AGFG1: variants seen among roughly 807,000 people sequenced by gnomAD.
The protein encoded by AGFG1 is arf-GAP domain and FG repeat-containing protein 1.
A neutral mutation model predicts 60.6 loss-of-function variants in AGFG1; 10 were observed. The ratio of observed to expected loss-of-function variants is 0.16; its 90% confidence interval spans 0.10 to 0.28. AGFG1 has a LOEUF of 0.28. Ranked by LOEUF, AGFG1 falls within the 10% of genes least tolerant of loss-of-function variation. The probability of loss-of-function intolerance (pLI) is 1.00; values close to 1 mark genes in which losing one functional copy is unlikely to be tolerated. For synonymous variants in AGFG1, 247 were observed against 242.9 expected (o/e 1.02, Z -0.16); for missense variants, 537 against 676.5 (o/e 0.79, Z 2.29).
intron 2 of AGFG1, among the ~76,000 whole-genome samples, chr2:227,497,735 G>GTTT (rs869114764): frequency 0.012 from 350 of 28,026 alleles, 115 homozygotes; most frequent in African/African-American, 0.038. Flanking sequence ...TTCTTGTTTT[G>GTTT]TTTTTTTTTT....
At chr2:227,481,797 C>T (rs149127854) in intron 1 of AGFG1, among the ~76,000 whole-genome samples, 1 of 149,614 alleles carries the variant, frequency 6.7e-6, no homozygotes, top group Non-Finnish European at 1.5e-5. Context: ...TTAATACCTT[C>T]TTATTCCTTT....
At chr2:227,537,995 A>AT (rs1692365119) in intron 10 of AGFG1, among the ~76,000 whole-genome samples, 2 of 152,332 alleles carry the variant, frequency 1.3e-5, no homozygotes, top group Admixed American at 6.5e-5. Context: ...AAGTAGCATA[A>AT]TAGATGTTTG....
chr2:227,533,483 T>A (rs1426572923), intron 6 of AGFG1, 66 bp from the exon 7 acceptor site: 4 of 1,332,956 alleles, frequency 3.0e-6, no homozygotes, highest in Non-Finnish European at 4.3e-6. Context: ...GAAATGATCA[T>A]ACAGTCTATG....
At chr2:227,506,106 C>A (rs1394999504) in intron 2 of AGFG1, among the ~76,000 whole-genome samples, 1 of 152,164 alleles carries the variant, frequency 6.6e-6, no homozygotes, top group Non-Finnish European at 1.5e-5. Context: ...ATTCTAAAAT[C>A]TTTATCATTG....
chr2:227,546,517 T>G (rs1419889827), intron 10 of AGFG1, among the ~76,000 whole-genome samples: 1 of 152,198 alleles, frequency 6.6e-6, no homozygotes, highest in Non-Finnish European at 1.5e-5. Flanking sequence ...CCCAGTGAGA[T>G]GAACCCAGTA....
intron 1 of AGFG1, among the ~76,000 whole-genome samples, chr2:227,475,668 G>A (rs1476819427): frequency 2.0e-5 from 3 of 152,194 alleles, no homozygotes; most frequent in Admixed American, 1.3e-4. Flanking sequence ...GTGGCTTAGG[G>A]CAAGGTGTTA....
intron 2 of AGFG1, among the ~76,000 whole-genome samples, chr2:227,505,824 C>T (rs750090267): frequency 6.6e-6 from 1 of 152,154 alleles, no homozygotes; most frequent in South Asian, 2.1e-4. Flanking sequence ...GTGCAACCTC[C>T]GCCTCCCAGG....
At chr2:227,484,139 A>G (rs1239552110) in intron 1 of AGFG1, among the ~76,000 whole-genome samples, 1 of 151,996 alleles carries the variant, frequency 6.6e-6, no homozygotes, top group African/African-American at 2.4e-5. Context: ...CAGTATTTTA[A>G]TCTTCTGTTA....
At chr2:227,496,881 A>ACATTAATAT in intron 2 of AGFG1, among the ~76,000 whole-genome samples, 1 of 152,322 alleles carries the variant, frequency 6.6e-6, no homozygotes, top group African/African-American at 2.4e-5. Context: ...CATGTCATTT[A>ACATTAATAT]CATTAATATT....
intron 2 of AGFG1, among the ~76,000 whole-genome samples, chr2:227,506,741 T>C (rs1280364852): frequency 1.3e-5 from 2 of 152,124 alleles, no homozygotes; most frequent in Non-Finnish European, 2.9e-5. Context: ...AAATCTACAC[T>C]GCTCGCCCTT....
chr2:227,504,467 ATGGGC>A (rs1691253644), intron 2 of AGFG1, among the ~76,000 whole-genome samples: 1 of 152,198 alleles, frequency 6.6e-6, no homozygotes, highest in Non-Finnish European at 1.5e-5. Context: ...TGCTGGGGTT[ATGGGC>A]TTGAGCCACT....
At chr2:227,546,544 A>G (rs1692654324) in intron 10 of AGFG1, among the ~76,000 whole-genome samples, 1 of 152,216 alleles carries the variant, frequency 6.6e-6, no homozygotes, top group South Asian at 2.1e-4. Context: ...TTGGAAATGC[A>G]GAAATCACCC....
At chr2:227,545,342 T>G (rs1692613226) in intron 10 of AGFG1, among the ~76,000 whole-genome samples, 1 of 152,240 alleles carries the variant, frequency 6.6e-6, no homozygotes, top group Non-Finnish European at 1.5e-5. Flanking sequence ...CGCTGTTTAT[T>G]TTGGTTTGCC....
rs1197370810 is a variant in AGFG1 at position 227,532,338 on chromosome 2, C to G, written c.814+1128C>G. The G allele has an allele frequency of 1.8e-5, 11 of 608,888 alleles. No individual in the cohort carries two copies. In the East Asian group the frequency reaches 3.7e-4, roughly 21 times the overall value. 37.7% of individuals were successfully genotyped at this position (608,888 alleles called of 1,614,324 possible). A position where few individuals can be genotyped will look rare whatever the true frequency, so the allele number is the denominator to read the frequency against. On this transcript the variant is annotated intron_variant, in intron 6 of 12. Transcript: ENST00000310078. ...TCCTTCATAAAAATCTCTTCCAACT[C>G]TATTTATTAAACTCAGAGTTAGAGA...
At chr2:227,490,301 G>A (rs985643570) in intron 1 of AGFG1, among the ~76,000 whole-genome samples, 3 of 152,054 alleles carry the variant, frequency 2.0e-5, no homozygotes, top group Admixed American at 6.6e-5. Context: ...GCAGTTGGCC[G>A]GGCGTGGTCG....
chr2:227,529,674 A>C (rs956081948), intron 5 of AGFG1, among the ~76,000 whole-genome samples: 1 of 152,144 alleles, frequency 6.6e-6, no homozygotes, highest in African/African-American at 2.4e-5. Context: ...GATGATAAAC[A>C]TCATATCCCA....
intron 10 of AGFG1, among the ~76,000 whole-genome samples, chr2:227,550,834 T>G (rs1692797262): frequency 6.6e-6 from 1 of 152,188 alleles, no homozygotes; most frequent in African/African-American, 2.4e-5. Flanking sequence ...GTAAATTTGT[T>G]AAAATCAGGA....
At chr2:227,536,484 C>T (rs960452367) in intron 8 of AGFG1, 141 bp from the exon 9 acceptor site, 9 of 603,132 alleles carry the variant, frequency 1.5e-5, no homozygotes, top group Non-Finnish European at 2.3e-5. Context: ...TACATCTTTA[C>T]ACTTAAATGT....
At chr2:227,503,700 T>TG (rs1691224739) in intron 2 of AGFG1, among the ~76,000 whole-genome samples, 1 of 152,230 alleles carries the variant, frequency 6.6e-6, no homozygotes, top group Non-Finnish European at 1.5e-5. Flanking sequence ...CACCAGGATC[T>TG]GAGTGTCACT....
Sources: allele counts gnomAD v4.1 joint callset (sites outside exome capture counted in the v4.1 genomes callset), GRCh38; gene constraint gnomAD v4.1.1; transcripts MANE v1.5; gene names NCBI Gene and HGNC (gene_info 2026-07-23, HGNC 2026-07-21).